XKR4: variants seen among roughly 807,000 people sequenced by gnomAD.
XKR4 encodes XK-related protein 4.
XKR4 carries 12 observed loss-of-function variants against 53.9 expected under a neutral mutation model. That is an observed-to-expected ratio of 0.22 (90% confidence interval 0.14 to 0.36). The LOEUF (loss-of-function observed/expected upper bound fraction) is 0.36. XKR4 is among the 10% of genes least tolerant of loss of function. The pLI, the probability that XKR4 is intolerant of heterozygous loss-of-function variation, is 1.00. For synonymous variants in XKR4, 354 were observed against 362.4 expected, an observed-to-expected ratio of 0.98 and a Z score of 0.26; for missense variants, 799 against 859.5, an observed-to-expected ratio of 0.93 and a Z score of 0.88.
Position 55,392,228 on chromosome 8 carries a change from G to A in XKR4, c.1006+34351G>A, listed in dbSNP as rs79949271. 5.1e-3 allele frequency among the ~76,000 whole-genome samples: 774 copies of A among 152,208 alleles called. 4 individuals carry two copies. The highest frequency in any genetic ancestry group is 0.017 in the African/African-American group (726 of 41,538). On this transcript the variant is annotated intron_variant, in intron 2 of 2. Transcript: ENST00000327381. ...CCAATAGTCCTGATTGTCAAATGCAGGCATCACTCACTACTGAGAGAGGGC... is the reference window on the plus strand; with the variant it reads ...CCAATAGTCCTGATTGTCAAATGCAAGCATCACTCACTACTGAGAGAGGGC...
intron 2 of XKR4, among the ~76,000 whole-genome samples, chr8:55,396,402 T>TTTTTTTTG (rs1804519651): frequency 1.4e-5 from 2 of 138,306 alleles, no homozygotes; most frequent in African/African-American, 5.6e-5. Context: ...TTGTTTGGTT[T>TTTTTTTTG]TTTTTTTTTT....
intron 2 of XKR4, among the ~76,000 whole-genome samples, chr8:55,503,733 C>G (rs1013007047): frequency 2.2e-4 from 33 of 152,102 alleles, no homozygotes; most frequent in African/African-American, 7.7e-4. Context: ...ACTTTTAATA[C>G]TACTTTGAAG....
At chr8:55,306,569 G>A (rs939286985) in intron 1 of XKR4, among the ~76,000 whole-genome samples, 2 of 152,170 alleles carry the variant, frequency 1.3e-5, no homozygotes, top group African/African-American at 4.8e-5. Flanking sequence ...AGGAAATAAA[G>A]AGCTTGTGCA....
At chr8:55,125,179 G>A (rs535962848) in intron 1 of XKR4, among the ~76,000 whole-genome samples, 15 of 152,134 alleles carry the variant, frequency 9.9e-5, no homozygotes, top group Non-Finnish European at 1.9e-4. Context: ...GTTATAGATC[G>A]TAAGAAGTTC....
intron 1 of XKR4, among the ~76,000 whole-genome samples, chr8:55,234,386 C>A (rs1323299237): frequency 2.6e-5 from 4 of 152,096 alleles, no homozygotes; most frequent in Non-Finnish European, 5.9e-5. Flanking sequence ...GAATTTTGAA[C>A]TAAAATTGTT....
intron 2 of XKR4, among the ~76,000 whole-genome samples, chr8:55,476,080 G>T (rs117300603): frequency 1.4e-3 from 206 of 152,130 alleles, no homozygotes; most frequent in Admixed American, 1.5e-3. Context: ...TTCACTTAGG[G>T]TACTTGAAAA....
At chr8:55,448,987 G>A (rs1010430217) in intron 2 of XKR4, among the ~76,000 whole-genome samples, 5 of 151,948 alleles carry the variant, frequency 3.3e-5, no homozygotes, top group Non-Finnish European at 5.9e-5. Context: ...AACTCTTCCA[G>A]TAGCCCTAAA....
chr8:55,432,162 G>A (rs1056225535), intron 2 of XKR4, among the ~76,000 whole-genome samples: 2 of 152,182 alleles, frequency 1.3e-5, no homozygotes, highest in Admixed American at 1.3e-4. Context: ...TGTGCTGGGT[G>A]GCTGGGGCAG....
At chr8:55,494,611 G>A (rs1407048559) in intron 2 of XKR4, among the ~76,000 whole-genome samples, 5 of 152,222 alleles carry the variant, frequency 3.3e-5, no homozygotes, top group Middle Eastern at 3.4e-3. Flanking sequence ...GGTGTCCAAC[G>A]AGTGTTCAGC....
intron 2 of XKR4, among the ~76,000 whole-genome samples, chr8:55,520,582 AATC>A (rs1302733220): frequency 6.6e-6 from 1 of 152,214 alleles, no homozygotes; most frequent in South Asian, 2.1e-4. Context: ...TGTCTCAAAA[AATC>A]ATCATCATCA....
chr8:55,311,544 C>A (rs1445614536), intron 1 of XKR4, among the ~76,000 whole-genome samples: 1 of 152,104 alleles, frequency 6.6e-6, no homozygotes, highest in African/African-American at 2.4e-5. Flanking sequence ...TGCAGTGAAT[C>A]AGGTGAGTTA....
intron 1 of XKR4, chr8:55,164,338 C>T (rs1364082460): frequency 8.8e-6 from 4 of 455,480 alleles, no homozygotes; most frequent in African/African-American, 8.0e-5. Context: ...GGTGAGATGA[C>T]CCCTGAGTAG....
intron 1 of XKR4, among the ~76,000 whole-genome samples, chr8:55,285,247 T>C (rs1203538876): frequency 6.6e-6 from 1 of 152,204 alleles, no homozygotes; most frequent in Non-Finnish European, 1.5e-5. Flanking sequence ...ATACCCATTA[T>C]GTAAAGTGGG....
intron 2 of XKR4, chr8:55,453,272 G>T (rs1335272169): frequency 8.2e-6 from 4 of 489,938 alleles, no homozygotes; most frequent in Non-Finnish European, 1.7e-5. Flanking sequence ...CTTGTCCAGA[G>T]AAGTGCAGTC....
chr8:55,391,019 C>T (rs114422052), intron 2 of XKR4, among the ~76,000 whole-genome samples: 1,962 of 152,254 alleles, frequency 0.013, 49 homozygotes, highest in African/African-American at 0.045. Context: ...TCTCTGCTGA[C>T]ATATGAAACA....
chr8:55,190,600 T>C (rs1245831889), intron 1 of XKR4, among the ~76,000 whole-genome samples: 1 of 152,188 alleles, frequency 6.6e-6, no homozygotes, highest in Admixed American at 6.5e-5. Context: ...CTATGATCAC[T>C]TAACTTTAGG....
intron 1 of XKR4, among the ~76,000 whole-genome samples, chr8:55,247,910 C>T (rs1394116011): frequency 1.0e-5 from 1 of 98,498 alleles, no homozygotes; most frequent in Non-Finnish European, 2.4e-5. Context: ...GGCTGGAGTG[C>T]AGTGGCACAG....
chr8:55,348,090 C>T (rs764217671), intron 1 of XKR4, among the ~76,000 whole-genome samples: 2 of 152,282 alleles, frequency 1.3e-5, no homozygotes, highest in African/African-American at 4.8e-5. Flanking sequence ...GTGACATCTT[C>T]GTCTTCTCCT....
At chr8:55,138,359 A>C (rs548234121) in intron 1 of XKR4, among the ~76,000 whole-genome samples, 1 of 152,210 alleles carries the variant, frequency 6.6e-6, no homozygotes, top group East Asian at 1.9e-4. Context: ...AACCAAGAGC[A>C]TGTGCTCTGG....
Sources: gnomAD v4.1 joint callset for allele counts (sites outside exome capture counted in the v4.1 genomes callset) on GRCh38, gnomAD v4.1.1 for gene constraint, MANE v1.5 for transcripts, NCBI Gene and HGNC (gene_info 2026-07-23, HGNC 2026-07-21) for gene names.